GMDS: variants seen among roughly 807,000 people sequenced by gnomAD.
The protein encoded by GMDS is GDP-mannose 4,6-dehydratase.
In GMDS, 20 loss-of-function variants were observed where a neutral mutation model predicts 49.9. The observed-to-expected ratio is 0.40, with a 90% CI of 0.28 to 0.58. The LOEUF (loss-of-function observed/expected upper bound fraction) is 0.58. GMDS is among the 20% of genes least tolerant of loss of function. The pLI is 0.42. For missense variants in GMDS, 362 were observed against 481.4 expected, an observed-to-expected ratio of 0.75 and a Z score of 2.32; for synonymous variants, 177 against 178.6, an observed-to-expected ratio of 0.99 and a Z score of 0.07.
At chr6:1,740,443 G>A (rs890869327) in intron 8 of GMDS, among the ~76,000 whole-genome samples, 5 of 151,938 alleles carry the variant, frequency 3.3e-5, no homozygotes, top group African/African-American at 1.2e-4. Context: ...TGTAATCCCA[G>A]CTACTTGGGA....
At chr6:2,082,923 T>G (rs1351069471) in intron 4 of GMDS, among the ~76,000 whole-genome samples, 1 of 152,250 alleles carries the variant, frequency 6.6e-6, no homozygotes, top group Non-Finnish European at 1.5e-5. Context: ...CACACCTTGG[T>G]ACTGACAAGG....
chr6:2,078,156 A>G (rs1482666892), intron 4 of GMDS, among the ~76,000 whole-genome samples: 1 of 151,772 alleles, frequency 6.6e-6, no homozygotes, highest in Non-Finnish European at 1.5e-5. Context: ...TATGTGGGTC[A>G]TCTCTCCTTT....
chr6:1,949,003 A>C, intron 6 of GMDS: 1 of 837,156 alleles, frequency 1.2e-6, no homozygotes, highest in Non-Finnish European at 1.4e-6. Flanking sequence ...CTGTCCTCTT[A>C]TGCCAGTAGC....
At chr6:1,880,344 G>C (rs1158458239) in intron 7 of GMDS, among the ~76,000 whole-genome samples, 1 of 149,024 alleles carries the variant, frequency 6.7e-6, no homozygotes, top group African/African-American at 2.5e-5. Context: ...TGTTGCCCCA[G>C]CTACTCAGGA....
At chr6:1,972,090 G>A (rs796331451) in intron 4 of GMDS, among the ~76,000 whole-genome samples, 22 of 152,240 alleles carry the variant, frequency 1.4e-4, no homozygotes, top group African/African-American at 5.1e-4. Flanking sequence ...TTATAACTCC[G>A]TGGTCACAAT....
chr6:2,227,863 C>T (rs1780888599), intron 1 of GMDS, among the ~76,000 whole-genome samples: 1 of 152,224 alleles, frequency 6.6e-6, no homozygotes, highest in Non-Finnish European at 1.5e-5. Flanking sequence ...CATAGGCTCT[C>T]CTACCTGCTT....
chr6:2,022,146 A>G lies in GMDS; in HGVS notation c.346-61180T>C, dbSNP rs1471727367. On this transcript the variant is annotated intron_variant, in intron 4 of 10. Coordinates refer to ENST00000380815, the MANE Select transcript of GMDS (RefSeq NM_001500.4). The stretch of plus-strand genomic sequence containing the variant: ...AACTCTTATAAGCTGTACCAAAAGT[A>G]GAAGATGCAAAACCAGAAGGACAGG... Among the ~76,000 whole-genome samples, 7 of 152,228 alleles carry G rather than the reference A, an allele frequency of 4.6e-5. No homozygotes were observed. In the East Asian group the frequency reaches 1.3e-3, roughly 29 times the overall value.
chr6:1,947,822 T>C (rs1346842043), intron 6 of GMDS, among the ~76,000 whole-genome samples: 1 of 152,222 alleles, frequency 6.6e-6, no homozygotes, highest in East Asian at 1.9e-4. Context: ...TCCCACAAGT[T>C]ACTTTACCAG....
intron 9 of GMDS, among the ~76,000 whole-genome samples, chr6:1,661,668 C>A (rs1329812736): frequency 6.6e-6 from 1 of 152,182 alleles, no homozygotes. Context: ...GTCCGAGGAC[C>A]CTGCCCGGAT....
chr6:2,014,958 G>A (rs943400266), intron 4 of GMDS, among the ~76,000 whole-genome samples: 1 of 151,960 alleles, frequency 6.6e-6, no homozygotes, highest in Non-Finnish European at 1.5e-5. Context: ...AAAATTATCA[G>A]GAATAAGGAA....
chr6:1,743,292 G>A (rs1306243256), intron 7 of GMDS, among the ~76,000 whole-genome samples: 2 of 152,144 alleles, frequency 1.3e-5, no homozygotes, highest in Admixed American at 6.5e-5. Context: ...GGTGGCTCAC[G>A]CCTGTCGTCC....
chr6:2,227,638 G>A (rs565568136), intron 1 of GMDS, among the ~76,000 whole-genome samples: 6 of 152,328 alleles, frequency 3.9e-5, no homozygotes, highest in African/African-American at 1.2e-4. Context: ...TGGATGCAGG[G>A]AGTGAGGTGC....
At chr6:1,822,377 T>C (rs1176706910) in intron 7 of GMDS, among the ~76,000 whole-genome samples, 1 of 152,154 alleles carries the variant, frequency 6.6e-6, no homozygotes, top group African/African-American at 2.4e-5. Flanking sequence ...AGGTCACATA[T>C]CCCTGGTAGT....
intron 1 of GMDS, among the ~76,000 whole-genome samples, chr6:2,213,185 C>T (rs1217992495): frequency 6.6e-6 from 1 of 152,184 alleles, no homozygotes; most frequent in Non-Finnish European, 1.5e-5. Flanking sequence ...TGGCAAATAT[C>T]ACTGAGGGAA....
intron 9 of GMDS, among the ~76,000 whole-genome samples, chr6:1,631,205 AC>A (rs1382477011): frequency 6.6e-6 from 1 of 152,202 alleles, no homozygotes. Flanking sequence ...CGCTTTATAG[AC>A]ATCAGCTAAT....
chr6:2,055,743 T>C (rs940079524), intron 4 of GMDS, among the ~76,000 whole-genome samples: 6 of 152,138 alleles, frequency 3.9e-5, no homozygotes, highest in African/African-American at 9.7e-5. Flanking sequence ...ATAGTCAGTA[T>C]AGCACAGTGG....
chr6:2,174,560 T>C (rs1778178870), intron 1 of GMDS, among the ~76,000 whole-genome samples: 1 of 151,130 alleles, frequency 6.6e-6, no homozygotes, highest in African/African-American at 2.4e-5. Flanking sequence ...TTTTGTTTTG[T>C]TTTGTTTTGT....
chr6:1,915,932 C>G (rs954717563), intron 7 of GMDS, among the ~76,000 whole-genome samples: 1 of 152,174 alleles, frequency 6.6e-6, no homozygotes, highest in African/African-American at 2.4e-5. Context: ...TTTAAAATAA[C>G]AACTGACCAT....
intron 1 of GMDS, among the ~76,000 whole-genome samples, chr6:2,132,218 G>T (rs1775776262): frequency 6.6e-6 from 1 of 152,054 alleles, no homozygotes; most frequent in South Asian, 2.1e-4. Context: ...TTCACTAATA[G>T]GATCGATCCC....
Sources: gnomAD v4.1 joint callset for allele counts (sites outside exome capture counted in the v4.1 genomes callset) on GRCh38, gnomAD v4.1.1 for gene constraint, MANE v1.5 for transcripts, NCBI Gene and HGNC (gene_info 2026-07-23, HGNC 2026-07-21) for gene names.